The following CRADD variants were observed in gnomAD, a reference collection of about 807,000 sequenced individuals.
CRADD encodes the protein death domain-containing protein CRADD.
A neutral mutation model predicts 15.5 loss-of-function variants in CRADD; 9 were observed. That is an observed-to-expected ratio of 0.58 (90% confidence interval 0.35 to 1.01). The LOEUF is 1.01. CRADD is among the 50% of genes least tolerant of loss of function. The pLI is 0.02. For missense variants in CRADD, 227 were observed against 250.3 expected (o/e 0.91, Z 0.63); for synonymous variants, 118 against 107.6 (o/e 1.10, Z -0.60).
chr12:93,852,834 G>A (rs538399077), downstream of CRADD, among the ~76,000 whole-genome samples: 559 of 91,718 alleles, frequency 6.1e-3, 4 homozygotes, highest in South Asian at 0.034. Context: ...GGGTTGGGTT[G>A]GAGTGTGTGT....
At chr12:93,700,228 T>C (rs758630960) in intron 2 of CRADD, among the ~76,000 whole-genome samples, 1 of 152,170 alleles carries the variant, frequency 6.6e-6, no homozygotes, top group Non-Finnish European at 1.5e-5. Context: ...GTTTTCTGAG[T>C]TATGCACCTG....
rs933038938 is a variant in CRADD at position 93,865,715 on chromosome 12, C to A, written c.299-28335C>A. Among the ~76,000 whole-genome samples the A allele has an allele frequency of 6.6e-5, 10 of 152,324 alleles. No homozygotes were observed. The East Asian group carries it at 1.5e-3, about 23-fold the overall frequency. On this transcript the variant is annotated intron_variant, in intron 2 of 2. Transcript: ENST00000548483. ...CCATGCCAGGCTATCCTCCTGTATACTTTAAATCTTCTCTAGGTTACTTAC... is the reference window on the plus strand; with the variant it reads ...CCATGCCAGGCTATCCTCCTGTATAATTTAAATCTTCTCTAGGTTACTTAC...
chr12:93,889,022 G>A (rs1261224194), intron 2 of CRADD, among the ~76,000 whole-genome samples: 10 of 152,124 alleles, frequency 6.6e-5, no homozygotes, highest in African/African-American at 1.9e-4. Context: ...AAGAACCACC[G>A]TCAGAATCTC....
intron 2 of CRADD, among the ~76,000 whole-genome samples, chr12:93,777,382 G>A (rs1484143343): frequency 6.6e-6 from 1 of 152,220 alleles, no homozygotes; most frequent in Non-Finnish European, 1.5e-5. Context: ...CGAATACACA[G>A]AAGATACTGT....
intron 2 of CRADD, among the ~76,000 whole-genome samples, chr12:93,787,973 T>G (rs1957298871): frequency 6.6e-6 from 1 of 152,194 alleles, no homozygotes; most frequent in African/African-American, 2.4e-5. Context: ...TTATCCTGTC[T>G]TTTCCTTGTA....
At chr12:93,806,458 AAAAAAAAAAAAAAAC>A (rs1957539178) in intron 2 of CRADD, among the ~76,000 whole-genome samples, 1 of 147,144 alleles carries the variant, frequency 6.8e-6, no homozygotes, top group African/African-American at 2.5e-5. Flanking sequence ...TCTCAAAAAA[AAAAAAAAAAAAAAAC>A]AAAAAAAAGA....
intron 2 of CRADD, chr12:93,831,012 T>C (rs1026069520): frequency 6.6e-6 from 1 of 152,256 alleles, no homozygotes; most frequent in Non-Finnish European, 1.5e-5. Context: ...AGATTGGGCA[T>C]ATTTGAATTC....
intron 2 of CRADD, among the ~76,000 whole-genome samples, chr12:93,709,507 G>T (rs1047199703): frequency 1.3e-5 from 2 of 152,188 alleles, no homozygotes; most frequent in Non-Finnish European, 2.9e-5. Context: ...GTGAGAACAT[G>T]CAGTATTTGG....
downstream of CRADD, among the ~76,000 whole-genome samples, chr12:93,854,664 C>A (rs376653663): frequency 3.9e-5 from 6 of 152,226 alleles, no homozygotes; most frequent in East Asian, 7.7e-4. Flanking sequence ...AACAGGCAAG[C>A]CTTTCCTAGC....
chr12:93,829,979 A>G (rs1156457182), intron 2 of CRADD, among the ~76,000 whole-genome samples: 1 of 152,136 alleles, frequency 6.6e-6, no homozygotes, highest in Non-Finnish European at 1.5e-5. Flanking sequence ...GGCATCAGCC[A>G]CCACGCCCGG....
At chr12:93,702,067 C>T (rs79573570) in intron 2 of CRADD, among the ~76,000 whole-genome samples, 3,438 of 152,142 alleles carry the variant, frequency 0.023, 87 homozygotes, top group East Asian at 0.087. Flanking sequence ...CTCTCACCAT[C>T]GAATGCCATC....
chr12:93,820,291 A>G (rs1957754891), intron 2 of CRADD, among the ~76,000 whole-genome samples: 1 of 152,230 alleles, frequency 6.6e-6, no homozygotes, highest in South Asian at 2.1e-4. Flanking sequence ...GAAAACCTGC[A>G]GGGCACCTTG....
chr12:93,732,117 CAA>C (rs1357208596), intron 2 of CRADD, among the ~76,000 whole-genome samples: 6 of 142,956 alleles, frequency 4.2e-5, no homozygotes, highest in Admixed American at 1.4e-4. Flanking sequence ...GCCTGGGCGA[CAA>C]GAGTGAAATT....
intron 2 of CRADD, among the ~76,000 whole-genome samples, chr12:93,878,088 G>A (rs761931463): frequency 6.6e-6 from 1 of 152,160 alleles, no homozygotes; most frequent in Non-Finnish European, 1.5e-5. Context: ...CCAGGACTGG[G>A]TCCTTTCCTT....
chr12:93,849,514 G>A (rs1409660382), intron 2 of CRADD, among the ~76,000 whole-genome samples: 1 of 152,164 alleles, frequency 6.6e-6, no homozygotes, highest in Non-Finnish European at 1.5e-5. Context: ...GCCAAGGCAG[G>A]TGGATCACCT....
chr12:93,892,348 G>A (rs1022446710), intron 2 of CRADD, among the ~76,000 whole-genome samples: 3 of 152,110 alleles, frequency 2.0e-5, no homozygotes, highest in African/African-American at 4.8e-5. Flanking sequence ...TGATTATTGC[G>A]TTTATTTGGT....
chr12:93,702,888 G>A (rs1268171632), intron 2 of CRADD, among the ~76,000 whole-genome samples: 11 of 152,066 alleles, frequency 7.2e-5, no homozygotes, highest in Admixed American at 2.6e-4. Flanking sequence ...TGTGGCCTTG[G>A]TTAAATTGGA....
At chr12:93,759,239 T>C (rs1956923240) in intron 2 of CRADD, among the ~76,000 whole-genome samples, 1 of 151,990 alleles carries the variant, frequency 6.6e-6, no homozygotes, top group African/African-American at 2.4e-5. Flanking sequence ...GCCTTGGAGG[T>C]AGCGATGGGT....
intron 2 of CRADD, among the ~76,000 whole-genome samples, chr12:93,688,493 TCA>T (rs1955488743): frequency 7.8e-6 from 1 of 128,488 alleles, no homozygotes; most frequent in Admixed American, 7.7e-5. Context: ...AGACCCTGTC[TCA>T]AAAAAAAAAA....
Sources: gnomAD v4.1 joint callset for allele counts (sites outside exome capture counted in the v4.1 genomes callset) on GRCh38, gnomAD v4.1.1 for gene constraint, MANE v1.5 for transcripts, NCBI Gene and HGNC (gene_info 2026-07-23, HGNC 2026-07-21) for gene names.